Variants in LRRC15 observed in about 807,000 individuals in gnomAD.
LRRC15 encodes leucine-rich repeat-containing protein 15.
Under a neutral mutation model 4.3 loss-of-function variants are expected in LRRC15, and 5 were observed. That is an observed-to-expected ratio of 1.16 (90% CI 0.61 to 2.44). The LOEUF is 2.44. LRRC15 is among the 30% of genes most tolerant of loss of function. LRRC15 has a pLI of 0.01. For synonymous variants in LRRC15, 337 were observed against 323.2 expected (o/e 1.04, Z -0.46); for missense variants, 769 against 747.0 (o/e 1.03, Z -0.34).
chr3:194,360,847 G>T lies in LRRC15; in HGVS notation c.197C>A (p.Thr66Asn). The T allele has an allele frequency of 6.2e-7, 1 of 1,612,548 alleles. No individual in the cohort carries two copies. Among genetic ancestry groups the T allele is most frequent in the South Asian group, 1.1e-5 (1 of 91,016 alleles). Reference sequence around the variant, plus strand: ...GAGGAACGGGGACTCATTGAGTTCAGTGATGTGCGTGTTGAGGATCTGCAG... The same window carrying T: ...GAGGAACGGGGACTCATTGAGTTCATTGATGTGCGTGTTGAGGATCTGCAG... ...MSLQILNTHI[T>N]ELNESPFLNI... Residue 66 changes from threonine to asparagine, a missense_variant, in exon 2 of 2, where the codon ACT becomes AAT. Physicochemically the swap from Thr to Asn is moderately conservative, Grantham distance 65 (BLOSUM62 0). Coordinates refer to ENST00000347624, the MANE Select transcript of LRRC15 (RefSeq NM_130830.5).
chr3:194,364,176 T>C (rs1314715400), intron 1 of LRRC15, among the ~76,000 whole-genome samples: 1 of 152,156 alleles, frequency 6.6e-6, no homozygotes, highest in Non-Finnish European at 1.5e-5. Flanking sequence ...TGGTGTCCTG[T>C]CCATTCCTAA....
At position 194,360,674 on chromosome 3, in the gene LRRC15, G is replaced by A; in HGVS notation, c.370C>T (p.Leu124=). Residue 124 remains leucine, a synonymous_variant, in exon 2 of 2, where the codon CTG becomes TTG. Coordinates refer to ENST00000347624, the MANE Select transcript of LRRC15 (RefSeq NM_130830.5). ...AGAAGGAGAGACTCGAGGCTGTCCA[G>A]GCCCTGGAAGAGGCCGATGGGCAGA... The part of the protein sequence containing the change: ...QVLPIGLFQG[L]DSLESLLLSS... The A allele has an allele frequency of 6.2e-7, 1 of 1,614,238 alleles. No homozygotes were observed.
At chr3:194,368,683 G>C (rs1005281356) in intron 1 of LRRC15, among the ~76,000 whole-genome samples, 2 of 152,050 alleles carry the variant, frequency 1.3e-5, no homozygotes, top group Non-Finnish European at 2.9e-5. Context: ...TGGCACCTGC[G>C]ACTGGAGCAC....
Position 194,360,616 on chromosome 3 carries a change from G to A in LRRC15, c.428C>T (p.Ala143Val). The A allele has an allele frequency of 1.9e-6, 3 of 1,614,194 alleles. No homozygotes were observed. Among genetic ancestry groups the A allele is most frequent in the Non-Finnish European group, 1.7e-6 (2 of 1,180,038 alleles). Residue 143 changes from alanine to valine, a missense_variant, in exon 2 of 2, where the codon GCC (alanine) becomes GTC (valine). Physicochemically the swap from Ala to Val is moderately conservative, Grantham distance 64. Coordinates refer to ENST00000347624, the MANE Select transcript of LRRC15 (RefSeq NM_130830.5). ...SSNQLLQIQP[A>V]HFSQCSNLKE... ...GAGGTTGCTGCACTGGGAGAAGTGG[G>A]CCGGCTGGATCTGCAACAGCTGGTT... is the stretch of plus-strand genomic sequence containing the variant.
chr3:194,362,793 G>A (rs761954485), intron 1 of LRRC15, among the ~76,000 whole-genome samples: 34 of 152,068 alleles, frequency 2.2e-4, no homozygotes, highest in Non-Finnish European at 4.3e-4. Flanking sequence ...CTGAACTCAC[G>A]GGGTCTGGAG....
chr3:194,360,417 G>T lies in LRRC15; in HGVS notation c.627C>A (p.Leu209=), dbSNP rs991914210. Residue 209 remains leucine (L), a synonymous_variant, in exon 2 of 2, where the codon CTC becomes CTA. Transcript: ENST00000347624. ...CAAAAGTGCCCATGGGGATATCCGT[G>T]AGCCTGTTCTCATACAGCCGGAGGA... ...LQVLRLYENR[L]TDIPMGTFDG... is the part of the protein sequence containing the mutation. 3 of 1,614,164 alleles carry T rather than the reference G, an allele frequency of 1.9e-6. No homozygotes were observed. The highest frequency in any genetic ancestry group is 1.1e-5 in the South Asian group (1 of 91,076).
rs562472708 is a variant in LRRC15, at chr3:194,356,019, A to C, written c.*3279T>G. Reference sequence around the variant, plus strand: ...CCAAGACTAAGGAGAGCAACAGGGGAATGGCTTCCATTTCCTTTGGTTTAA... The same window carrying C: ...CCAAGACTAAGGAGAGCAACAGGGGCATGGCTTCCATTTCCTTTGGTTTAA... On this transcript the variant is annotated 3_prime_UTR_variant, in exon 2 of 2. Transcript: ENST00000347624. 6.6e-6 allele frequency: 1 copy of C among 152,332 alleles called. No homozygotes were observed. Among genetic ancestry groups the C allele is most frequent in the East Asian group, 1.9e-4 (1 of 5,186 alleles). 9.4% of individuals were successfully genotyped at this position (152,332 alleles called of 1,614,324 possible).
chr3:194,359,335 G>A lies in LRRC15; in HGVS notation c.1709C>T (p.Ala570Val). Residue 570 changes from alanine (A) to valine (V), a missense_variant, in exon 2 of 2, where the codon GCT becomes GTT. Transcript: ENST00000347624. ...GCCCCKKRSQAVLMQMKAPNE... is the reference protein window; with the variant it reads ...GCCCCKKRSQVVLMQMKAPNE... ...GGGTGCCTTCATCTGCATCAGGACA[G>A]CTTGGCTCCTCTTCTTGCAGCAGCA... The A allele has an allele frequency of 6.2e-7, 1 of 1,612,200 alleles. No homozygotes were observed. The highest frequency in any genetic ancestry group is 8.5e-7 in the Non-Finnish European group (1 of 1,179,038).
chr3:194,360,320 G>A lies in LRRC15; in HGVS notation c.724C>T (p.His242Tyr). The part of the protein sequence containing the change: ...QIGLLSPGLF[H>Y]NNHNLQRLYL... Reference sequence around the variant, plus strand: ...AGTCTCTGGAGGTTGTGGTTGTTGTGGAAGAGACCAGGGGAGAGCAGTCCA... The same window carrying A: ...AGTCTCTGGAGGTTGTGGTTGTTGTAGAAGAGACCAGGGGAGAGCAGTCCA... Residue 242 changes from histidine to tyrosine, a missense_variant, in exon 2 of 2, where the codon CAC (histidine) becomes TAC (tyrosine). By Grantham distance (83) the His-to-Tyr change is moderately conservative (BLOSUM62 2). Transcript: ENST00000347624. 4 of 1,614,140 alleles carry A rather than the reference G, an allele frequency of 2.5e-6. No individual in the cohort carries two copies. In the South Asian group the frequency reaches 3.3e-5, roughly 13 times the overall value.
intron 1 of LRRC15, among the ~76,000 whole-genome samples, chr3:194,361,682 C>T (rs992684656): frequency 2.6e-5 from 4 of 152,156 alleles, no homozygotes; most frequent in African/African-American, 9.7e-5. Context: ...GGTGCAGCAG[C>T]GGCGGCAGAG....
At position 194,361,055 on chromosome 3, in the gene LRRC15, G is replaced by A. The variant is rs765453213; in HGVS notation, c.-3-9C>T. On this transcript the variant is annotated splice_polypyrimidine_tract_variant and intron_variant, in intron 1 of 1. Transcript: ENST00000347624. ...TGCTTCAGTGGCATAGCCTGTGCAA[G>A]GGGAGAGAGCACACGTTAGTCAGGG... The A allele has an allele frequency of 2.7e-6, 4 of 1,497,448 alleles. No individual in the cohort carries two copies. The Admixed American group carries it at 9.0e-5, about 34-fold the overall frequency. The allele number at this position is 1,497,448 out of a possible 1,614,324, so 92.8% of individuals were successfully genotyped here. A position where few individuals can be genotyped will look rare whatever the true frequency, so the allele number is the denominator to read the frequency against.
intron 1 of LRRC15, among the ~76,000 whole-genome samples, chr3:194,364,699 G>C (rs1435594890): frequency 6.6e-6 from 1 of 152,240 alleles, no homozygotes; most frequent in Non-Finnish European, 1.5e-5. Context: ...GGCCACCACT[G>C]TCTAAAATGG....
intron 1 of LRRC15, among the ~76,000 whole-genome samples, chr3:194,364,885 C>T (rs1713733029): frequency 6.6e-6 from 1 of 152,260 alleles, no homozygotes; most frequent in Non-Finnish European, 1.5e-5. Context: ...TCCCCTGAAA[C>T]CCGGCTGCAA....
chr3:194,358,092 A>T lies in LRRC15; in HGVS notation c.*1206T>A, dbSNP rs1713484334. 1 of 152,408 alleles carries T rather than the reference A, an allele frequency of 6.6e-6. No homozygotes were observed. Among genetic ancestry groups the T allele is most frequent in the Non-Finnish European group, 1.5e-5 (1 of 68,196 alleles). The allele number at this position is 152,408 out of a possible 1,614,324, so 9.4% of individuals were successfully genotyped here. On this transcript the variant is annotated 3_prime_UTR_variant, in exon 2 of 2. Transcript: ENST00000347624. ...TCTCCTGTTCAGGCCACAGTCTCCCATCCTGTCCACACCCACATATTCTCC... is the reference window on the plus strand; with the variant it reads ...TCTCCTGTTCAGGCCACAGTCTCCCTTCCTGTCCACACCCACATATTCTCC...
chr3:194,362,391 C>T (rs116633179), intron 1 of LRRC15, among the ~76,000 whole-genome samples: 493 of 152,234 alleles, frequency 3.2e-3, no homozygotes, highest in African/African-American at 0.011. Flanking sequence ...CATGCTTATC[C>T]ACAGCATGGA....
chr3:194,366,753 A>G (rs1039397544), intron 1 of LRRC15, among the ~76,000 whole-genome samples: 16 of 152,216 alleles, frequency 1.1e-4, no homozygotes, highest in African/African-American at 3.6e-4. Flanking sequence ...AGCCTGGAGC[A>G]TCAGAGGTGC....
In LRRC15 at chr3:194,359,512, G is replaced by A. The variant is rs775124372; in HGVS notation, c.1532C>T (p.Pro511Leu). 1 of 1,614,110 alleles carries A rather than the reference G, an allele frequency of 6.2e-7. No homozygotes were observed. The highest frequency in any genetic ancestry group is 2.2e-5 in the East Asian group (1 of 44,898). ...AGTCAGATCAGTGTAGTCTTCCACA[G>A]GGCTGGTTAGCTCAGTGGTAGAAGA... ...SVSSTTELTS[P>L]VEDYTDLTTI... The change falls in exon 2 of 2, where the codon CCT (proline) becomes CTT (leucine). Residue 511 changes from proline to leucine, a missense_variant. Transcript: ENST00000347624.
chr3:194,360,317 T>G lies in LRRC15; in HGVS notation c.727A>C (p.Asn243His). The change falls in exon 2 of 2, where the codon AAC (asparagine) becomes CAC (histidine). Residue 243 changes from asparagine (N) to histidine (H), a missense_variant. Transcript: ENST00000347624. ...IGLLSPGLFH[N>H]NHNLQRLYLS... is the part of the protein sequence containing the mutation. ...TAGAGTCTCTGGAGGTTGTGGTTGT[T>G]GTGGAAGAGACCAGGGGAGAGCAGT... 1 of 1,614,002 alleles carries G rather than the reference T, an allele frequency of 6.2e-7. No individual in the cohort carries two copies. Among genetic ancestry groups the G allele is most frequent in the Non-Finnish European group, 8.5e-7 (1 of 1,179,994 alleles).
chr3:194,366,958 C>A (rs1376804029), intron 1 of LRRC15, among the ~76,000 whole-genome samples: 1 of 152,194 alleles, frequency 6.6e-6, no homozygotes, highest in Non-Finnish European at 1.5e-5. Context: ...ACCTTGTCAA[C>A]CACACGCCTG....
Sources: gnomAD v4.1 joint callset for allele counts (sites outside exome capture counted in the v4.1 genomes callset) on GRCh38, gnomAD v4.1.1 for gene constraint, MANE v1.5 for transcripts, NCBI Gene and HGNC (gene_info 2026-07-23, HGNC 2026-07-21) for gene names.